The following GAS2 variants were observed in gnomAD, a reference collection of about 807,000 sequenced individuals.
The protein encoded by GAS2 is growth arrest-specific protein 2.
Under a neutral mutation model 37.5 loss-of-function variants are expected in GAS2, and 20 were observed. The ratio of observed to expected loss-of-function variants is 0.53; its 90% CI spans 0.37 to 0.77. The LOEUF (loss-of-function observed/expected upper bound fraction) is 0.77, where lower values mean the gene tolerates loss of function less well. Among genes scored for constraint, GAS2 ranks in the 30% least tolerant of loss-of-function variants. The pLI, the probability that GAS2 is intolerant of heterozygous loss-of-function variation, is 0.00. For missense variants in GAS2, 336 were observed against 373.4 expected (o/e 0.90, Z 0.82); for synonymous variants, 144 against 132.2 (o/e 1.09, Z -0.61).
intron 7 of GAS2, among the ~76,000 whole-genome samples, chr11:22,782,639 C>A (rs1855605719): frequency 6.6e-6 from 1 of 150,676 alleles, no homozygotes; most frequent in African/African-American, 2.4e-5. Context: ...TTAGCTCTCC[C>A]TTATAAGTGA....
chr11:22,791,450 G>A (rs1374518087), intron 7 of GAS2, among the ~76,000 whole-genome samples: 1 of 152,104 alleles, frequency 6.6e-6, no homozygotes, highest in African/African-American at 2.4e-5. Flanking sequence ...AGAAGTTAAT[G>A]GGCCAAAGAT....
At chr11:22,628,328 T>A (rs1194773328) in intron 1 of GAS2, among the ~76,000 whole-genome samples, 28 of 152,124 alleles carry the variant, frequency 1.8e-4, no homozygotes, top group Admixed American at 1.8e-3. Flanking sequence ...GATACTTGAT[T>A]TAGGCCTCAA....
intron 6 of GAS2, 101 bp downstream of exon 6, chr11:22,749,362 A>C: frequency 9.2e-7 from 1 of 1,084,256 alleles, no homozygotes; most frequent in Non-Finnish European, 1.3e-6. Flanking sequence ...TACCTATATC[A>C]ATTTTCTTGA....
Position 22,656,800 on chromosome 11 carries a change from G to T in GAS2, c.-20-18050G>T, listed in dbSNP as rs779269029. Among the ~76,000 whole-genome samples, 9 of 152,306 alleles carry T rather than the reference G, an allele frequency of 5.9e-5. No homozygotes were observed. The East Asian group carries it at 1.7e-3, about 29-fold the overall frequency. On this transcript the variant is annotated intron_variant, in intron 1 of 5. Coordinates refer to the GAS2 transcript ENST00000528582. ...TGTTTGTCATGATGTGTGTGTGTGT[G>T]TGTGTCGAGGAGGCGTACTTATAGC...
At chr11:22,631,615 A>G (rs1485250097) in intron 1 of GAS2, among the ~76,000 whole-genome samples, 5 of 152,034 alleles carry the variant, frequency 3.3e-5, no homozygotes, top group Admixed American at 6.6e-5. Flanking sequence ...TGTGTGATGA[A>G]CCACATTTTT....
At chr11:22,645,021 G>A (rs943820633) in intron 1 of GAS2, among the ~76,000 whole-genome samples, 2 of 152,160 alleles carry the variant, frequency 1.3e-5, no homozygotes, top group African/African-American at 4.8e-5. Flanking sequence ...ACATAGAGGA[G>A]GAGAAGTACA....
intron 4 of GAS2, among the ~76,000 whole-genome samples, chr11:22,732,780 A>T (rs894859191): frequency 2.8e-5 from 3 of 105,938 alleles, no homozygotes; most frequent in Non-Finnish European, 6.5e-5. Flanking sequence ...TATCATCATC[A>T]TCATCATCAT....
At chr11:22,764,373 A>G (rs1854559790) in intron 7 of GAS2, among the ~76,000 whole-genome samples, 1 of 152,066 alleles carries the variant, frequency 6.6e-6, no homozygotes, top group Non-Finnish European at 1.5e-5. Context: ...ATCCTGGCTA[A>G]CATGGTGAAA....
intron 7 of GAS2, among the ~76,000 whole-genome samples, chr11:22,788,086 T>C (rs192620785): frequency 1.3e-5 from 2 of 152,328 alleles, no homozygotes; most frequent in Non-Finnish European, 2.9e-5. Flanking sequence ...TATGCTGCTC[T>C]GCAAGTAAAA....
At chr11:22,633,399 C>G (rs1325737205) in intron 1 of GAS2, among the ~76,000 whole-genome samples, 1 of 152,154 alleles carries the variant, frequency 6.6e-6, no homozygotes, top group Non-Finnish European at 1.5e-5. Flanking sequence ...GCAATGTGCT[C>G]AGTGTGTGAG....
intron 5 of GAS2, among the ~76,000 whole-genome samples, chr11:22,741,954 A>G (rs546680377): frequency 1.3e-5 from 2 of 152,188 alleles, no homozygotes; most frequent in Admixed American, 6.5e-5. Context: ...AAAACTCTAG[A>G]CTACTAAATA....
intron 3 of GAS2, among the ~76,000 whole-genome samples, chr11:22,708,910 G>A (rs1204727054): frequency 6.6e-6 from 1 of 152,180 alleles, no homozygotes; most frequent in Non-Finnish European, 1.5e-5. Flanking sequence ...TATGGGAAGA[G>A]CAGAGAGGAC....
At chr11:22,695,009 T>C (rs1294312409) in intron 3 of GAS2, among the ~76,000 whole-genome samples, 1 of 152,162 alleles carries the variant, frequency 6.6e-6, no homozygotes, top group Non-Finnish European at 1.5e-5. Flanking sequence ...GTAGAGGTTG[T>C]CAGCAATGGC....
intron 1 of GAS2, among the ~76,000 whole-genome samples, chr11:22,657,281 G>T (rs1046007799): frequency 2.0e-5 from 3 of 152,164 alleles, no homozygotes; most frequent in African/African-American, 7.2e-5. Context: ...CCTGGGACAG[G>T]GTAACAGCAA....
intron 7 of GAS2, among the ~76,000 whole-genome samples, chr11:22,803,057 C>T (rs967254054): frequency 6.6e-6 from 1 of 152,120 alleles, no homozygotes; most frequent in African/African-American, 2.4e-5. Context: ...CACACATTCT[C>T]AGAATGTGTT....
At chr11:22,720,090 T>C (rs1851876751) in intron 3 of GAS2, among the ~76,000 whole-genome samples, 1 of 152,074 alleles carries the variant, frequency 6.6e-6, no homozygotes, top group African/African-American at 2.4e-5. Flanking sequence ...ACTTTGTTAG[T>C]TAAGTGATTA....
chr11:22,653,039 T>TTCTTTCTTTCTTTCTTTCTTTC (rs1590575356), intron 1 of GAS2, among the ~76,000 whole-genome samples: 5 of 139,836 alleles, frequency 3.6e-5, no homozygotes, highest in South Asian at 2.3e-4. Context: ...TTCTTTCTCT[T>TTCTTTCTTTCTTTCTTTCTTTC]TCTTTCTTTC....
intron 1 of GAS2, among the ~76,000 whole-genome samples, chr11:22,643,923 A>C (rs994218510): frequency 1.3e-5 from 2 of 152,136 alleles, no homozygotes; most frequent in Admixed American, 1.3e-4. Flanking sequence ...CTTTTATGTG[A>C]ATTCTTTTAG....
At chr11:22,785,057 A>T (rs4528327) in intron 7 of GAS2, among the ~76,000 whole-genome samples, 1 of 152,186 alleles carries the variant, frequency 6.6e-6, no homozygotes, top group Non-Finnish European at 1.5e-5. Context: ...CCATCACACT[A>T]GACATATTCC....
Sources: gnomAD v4.1 joint callset for allele counts (sites outside exome capture counted in the v4.1 genomes callset) on GRCh38, gnomAD v4.1.1 for gene constraint, MANE v1.5 for transcripts, NCBI Gene and HGNC (gene_info 2026-07-23, HGNC 2026-07-21) for gene names.